The following FAM135B variants were observed in gnomAD, a reference collection of about 807,000 sequenced individuals.
FAM135B encodes protein FAM135B.
Under a neutral mutation model 127.7 loss-of-function variants are expected in FAM135B, and 43 were observed. The ratio of observed to expected loss-of-function variants is 0.34; its 90% CI spans 0.26 to 0.43. The LOEUF is 0.43. FAM135B is among the 20% of genes least tolerant of loss of function. The pLI is 1.00. For missense variants in FAM135B, 1,558 were observed against 1,725.6 expected (o/e 0.90, Z 1.72); for synonymous variants, 670 against 665.1 (o/e 1.01, Z -0.11).
At chr8:138,133,879 T>C (rs1425241735) in intron 19 of FAM135B, among the ~76,000 whole-genome samples, 2 of 151,912 alleles carry the variant, frequency 1.3e-5, no homozygotes, top group Non-Finnish European at 2.9e-5. Context: ...GGTGTTTCTT[T>C]TCCCCCCCTT....
chr8:138,360,131 A>C (rs1009907618), intron 2 of FAM135B, among the ~76,000 whole-genome samples: 1 of 152,210 alleles, frequency 6.6e-6, no homozygotes, highest in Non-Finnish European at 1.5e-5. Context: ...TCAAACAATG[A>C]AAAATCTTAC....
At chr8:138,405,433 T>A (rs1202875713) in intron 1 of FAM135B, among the ~76,000 whole-genome samples, 7 of 147,676 alleles carry the variant, frequency 4.7e-5, no homozygotes, top group Non-Finnish European at 8.9e-5. Context: ...CTCATTGTTC[T>A]ATTCCCACCT....
intron 13 of FAM135B, 67 bp from the exon 14 acceptor site, chr8:138,148,753 G>A (rs999187835): frequency 7.7e-7 from 1 of 1,294,548 alleles, no homozygotes; most frequent in Non-Finnish European, 1.1e-6. Context: ...AATGAGCTGG[G>A]CTGGTATGTA....
At chr8:138,213,032 A>T (rs561717232) in intron 7 of FAM135B, among the ~76,000 whole-genome samples, 5 of 152,326 alleles carry the variant, frequency 3.3e-5, no homozygotes, top group African/African-American at 1.2e-4. Context: ...AATGTGAGAC[A>T]TTGTCTGTTA....
At chr8:138,198,159 T>C (rs943678469) in intron 7 of FAM135B, among the ~76,000 whole-genome samples, 4 of 152,282 alleles carry the variant, frequency 2.6e-5, no homozygotes, top group East Asian at 1.9e-4. Flanking sequence ...GTTCTCATGA[T>C]AGTGAATAAG....
intron 6 of FAM135B, among the ~76,000 whole-genome samples, chr8:138,250,539 C>T (rs1020371927): frequency 1.4e-4 from 22 of 152,144 alleles, no homozygotes; most frequent in African/African-American, 5.3e-4. Flanking sequence ...TTATGTGGCT[C>T]AGGAACATTA....
intron 3 of FAM135B, among the ~76,000 whole-genome samples, chr8:138,294,833 T>C (rs1311490780): frequency 6.6e-6 from 1 of 152,226 alleles, no homozygotes; most frequent in Non-Finnish European, 1.5e-5. Context: ...GAATACCAGC[T>C]TTGCTACTGA....
chr8:138,237,186 A>G, intron 7 of FAM135B, among the ~76,000 whole-genome samples: 1 of 131,048 alleles, frequency 7.6e-6, no homozygotes, highest in African/African-American at 3.0e-5. Context: ...TTGGAGACAG[A>G]GTTTCACTCT....
At chr8:138,472,231 T>G (rs1482545645) in intron 1 of FAM135B, among the ~76,000 whole-genome samples, 1 of 151,990 alleles carries the variant, frequency 6.6e-6, no homozygotes, top group African/African-American at 2.4e-5. Flanking sequence ...TATGTATACG[T>G]TAATGAGCTA....
chr8:138,210,723 C>T (rs544586686), intron 7 of FAM135B, among the ~76,000 whole-genome samples: 1 of 152,076 alleles, frequency 6.6e-6, no homozygotes, highest in Non-Finnish European at 1.5e-5. Flanking sequence ...AATTATAATT[C>T]GACATGAGAT....
intron 1 of FAM135B, among the ~76,000 whole-genome samples, chr8:138,384,528 AAT>A (rs1017133450): frequency 6.6e-6 from 1 of 152,168 alleles, no homozygotes; most frequent in African/African-American, 2.4e-5. Context: ...GCTCTACTGC[AAT>A]AGGTCACAGG....
rs72185111 is a variant in FAM135B at position 138,226,150 on chromosome 8, C to CGTGTGTGTGTGT, written c.669+16780_669+16791dup. Among the ~76,000 whole-genome samples the CGTGTGTGTGTGT allele has an allele frequency of 9.1e-3, 1,220 of 133,472 alleles. 20 individuals are homozygous for CGTGTGTGTGTGT. Among genetic ancestry groups the CGTGTGTGTGTGT allele is most frequent in the African/African-American group, 0.032 (1,138 of 35,544 alleles). 87.6% of individuals were successfully genotyped at this position (133,472 alleles called of 152,430 possible). ...AAAATACAATTTTCTGGGGACCCACCGTGTGTGTGTGTGTGTGTGTGTGTG... is the reference window on the plus strand; with the variant it reads ...AAAATACAATTTTCTGGGGACCCACCGTGTGTGTGTGTGTGTGTGTGTGTGTGTGTGTGTGTG... On this transcript the variant is annotated intron_variant, in intron 7 of 19. Transcript: ENST00000395297.
chr8:138,231,150 T>C (rs1192915678), intron 7 of FAM135B, among the ~76,000 whole-genome samples: 1 of 152,008 alleles, frequency 6.6e-6, no homozygotes, highest in African/African-American at 2.4e-5. Context: ...CTCCCAGTGC[T>C]GCTGGGACTA....
At chr8:138,174,851 A>C (rs1586684953) in intron 11 of FAM135B, among the ~76,000 whole-genome samples, 1 of 133,822 alleles carries the variant, frequency 7.5e-6, no homozygotes. Context: ...ACTCCTTACC[A>C]CTTAGCATAT....
At chr8:138,398,477 A>G (rs1012628392) in intron 1 of FAM135B, among the ~76,000 whole-genome samples, 2 of 152,194 alleles carry the variant, frequency 1.3e-5, no homozygotes, top group East Asian at 1.9e-4. Context: ...AGATGCACAC[A>G]GTGCACGGAA....
chr8:138,217,744 A>G (rs1818684240), intron 7 of FAM135B, among the ~76,000 whole-genome samples: 1 of 152,104 alleles, frequency 6.6e-6, no homozygotes, highest in Non-Finnish European at 1.5e-5. Context: ...ATATTTCTTT[A>G]TACAACAGCA....
chr8:138,160,564 TTTTTTTG>T (rs1488049270), intron 12 of FAM135B, among the ~76,000 whole-genome samples: 2 of 150,698 alleles, frequency 1.3e-5, no homozygotes, highest in Non-Finnish European at 3.0e-5. Flanking sequence ...CATTTTTTTT[TTTTTTTG>T]TATTTTAGTG....
chr8:138,298,562 G>A (rs1361362509), intron 3 of FAM135B, among the ~76,000 whole-genome samples: 2 of 152,136 alleles, frequency 1.3e-5, no homozygotes, highest in Non-Finnish European at 2.9e-5. Flanking sequence ...AGGGATAGAA[G>A]ATAAGTGTAA....
intron 9 of FAM135B, among the ~76,000 whole-genome samples, chr8:138,184,327 T>C (rs549982574): frequency 1.3e-5 from 2 of 152,296 alleles, no homozygotes; most frequent in South Asian, 4.1e-4. Flanking sequence ...CAGGCCTTCA[T>C]CCTGCAGGTG....
Sources: allele counts gnomAD v4.1 joint callset (sites outside exome capture counted in the v4.1 genomes callset), GRCh38; gene constraint gnomAD v4.1.1; transcripts MANE v1.5; gene names NCBI Gene and HGNC (gene_info 2026-07-23, HGNC 2026-07-21).